MINDY4: variants seen among roughly 807,000 people sequenced by gnomAD.
The protein encoded by MINDY4 is MINDY lysine 48 deubiquitinase 4, also known as probable ubiquitin carboxyl-terminal hydrolase MINDY-4.
A neutral mutation model predicts 87.0 loss-of-function variants in MINDY4; 68 were observed. That is an observed-to-expected ratio of 0.78 (90% CI 0.64 to 0.96). MINDY4 has a LOEUF of 0.96. MINDY4 is among the 40% of genes least tolerant of loss of function. The probability of loss-of-function intolerance (pLI) is 0.00; values close to 1 mark genes in which losing one functional copy is unlikely to be tolerated. For synonymous variants in MINDY4, 379 were observed against 363.2 expected (o/e 1.04, Z -0.50); for missense variants, 919 against 928.2 (o/e 0.99, Z 0.13).
chr7:30,840,852 A>G lies in MINDY4; in HGVS notation c.1445+4A>G. Reference sequence around the variant, plus strand: ...ATAGCAAAGCCGACTGTGCTCAGTAAGTCAGTGCTCTTTCTGGCAATATCT... The same window carrying G: ...ATAGCAAAGCCGACTGTGCTCAGTAGGTCAGTGCTCTTTCTGGCAATATCT... On this transcript the variant is annotated splice_donor_region_variant and intron_variant, in intron 9 of 17. Coordinates refer to ENST00000265299, the MANE Select transcript of MINDY4 (RefSeq NM_032222.3). 6.2e-7 allele frequency: 1 copy of G among 1,613,028 alleles called. No homozygotes were observed. The highest frequency in any genetic ancestry group is 8.5e-7 in the Non-Finnish European group (1 of 1,179,148).
At chr7:30,873,803 T>C (rs1337419294) in intron 14 of MINDY4, among the ~76,000 whole-genome samples, 1 of 152,170 alleles carries the variant, frequency 6.6e-6, no homozygotes, top group East Asian at 1.9e-4. Flanking sequence ...AAACTCGAAC[T>C]TGCCTGAAAA....
At chr7:30,786,029 A>G (rs2128166957) in intron 4 of MINDY4, 37 bp downstream of exon 4, 1 of 1,610,306 alleles carries the variant, frequency 6.2e-7, no homozygotes, top group Middle Eastern at 1.9e-4. Flanking sequence ...ATGGGACTGG[A>G]GGCTGAGAAC....
Position 30,771,551 on chromosome 7 carries a change from A to C in MINDY4, c.58A>C (p.Arg20=). The change falls in exon 1 of 18, where the codon AGA becomes CGA. Residue 20 remains arginine, a synonymous_variant. Transcript: ENST00000265299. ...CTCCTTGGTCAGGGAGTTCCTCAGC[A>C]GAAAGGTAACGGCTCGCCCCCTCCA... is the stretch of plus-strand genomic sequence containing the variant. The part of the protein sequence containing the change: ...AASLVREFLS[R]KGLKKTCVTM... 2 of 1,599,504 alleles carry C rather than the reference A, an allele frequency of 1.3e-6. No individual in the cohort carries two copies. Among genetic ancestry groups the C allele is most frequent in the Non-Finnish European group, 8.5e-7 (1 of 1,174,266 alleles).
chr7:30,856,064 GTGT>G (rs1789559823), intron 12 of MINDY4, among the ~76,000 whole-genome samples: 1 of 152,184 alleles, frequency 6.6e-6, no homozygotes, highest in Non-Finnish European at 1.5e-5. Context: ...TCTGGGCAAG[GTGT>G]CTGGCAGGCT....
chr7:30,871,378 C>T (rs549095837), intron 13 of MINDY4, among the ~76,000 whole-genome samples: 5 of 152,290 alleles, frequency 3.3e-5, no homozygotes, highest in South Asian at 2.1e-4. Context: ...GTTTTCATCT[C>T]TCAGAGGGAG....
chr7:30,816,980 A>T (rs757116104), intron 5 of MINDY4, among the ~76,000 whole-genome samples: 2 of 152,218 alleles, frequency 1.3e-5, no homozygotes, highest in Non-Finnish European at 1.5e-5. Flanking sequence ...ACACATTGTG[A>T]TAGTTAGTGC....
chr7:30,829,317 C>T (rs369376987), intron 6 of MINDY4, among the ~76,000 whole-genome samples: 2 of 152,222 alleles, frequency 1.3e-5, no homozygotes, highest in African/African-American at 4.8e-5. Context: ...ATTCCCTACT[C>T]TCCAAAGACA....
At chr7:30,830,448 G>T (rs1023077284) in intron 6 of MINDY4, among the ~76,000 whole-genome samples, 1 of 152,162 alleles carries the variant, frequency 6.6e-6, no homozygotes, top group East Asian at 1.9e-4. Context: ...AAGGAAAGAG[G>T]TTTAATTGAC....
intron 5 of MINDY4, among the ~76,000 whole-genome samples, chr7:30,822,857 T>A (rs1212306797): frequency 6.6e-6 from 1 of 151,888 alleles, no homozygotes; most frequent in African/African-American, 2.4e-5. Flanking sequence ...TTGCCCAGAC[T>A]GTTCTCCGAC....
intron 5 of MINDY4, among the ~76,000 whole-genome samples, chr7:30,812,352 G>A (rs1562539174): frequency 6.6e-6 from 1 of 152,018 alleles, no homozygotes; most frequent in Admixed American, 6.6e-5. Context: ...TAAGTGAAGG[G>A]TATATGCTGG....
intron 6 of MINDY4, among the ~76,000 whole-genome samples, chr7:30,831,529 C>T (rs139541808): frequency 4.3e-4 from 65 of 152,274 alleles, no homozygotes; most frequent in African/African-American, 1.5e-3. Flanking sequence ...ATTCTGGAGG[C>T]AGAGTGATCC....
chr7:30,867,201 G>T (rs189327628), intron 13 of MINDY4, among the ~76,000 whole-genome samples: 19 of 152,250 alleles, frequency 1.2e-4, no homozygotes, highest in African/African-American at 3.6e-4. Flanking sequence ...CTCCCTCTTG[G>T]CCATCCTGGG....
At chr7:30,776,713 C>A (rs1786828798) in intron 1 of MINDY4, among the ~76,000 whole-genome samples, 1 of 152,230 alleles carries the variant, frequency 6.6e-6, no homozygotes, top group African/African-American at 2.4e-5. Flanking sequence ...CAGTGGCCTT[C>A]ATCCTTGTCT....
chr7:30,795,101 C>G (rs760789693), intron 5 of MINDY4, among the ~76,000 whole-genome samples: 82 of 152,126 alleles, frequency 5.4e-4, no homozygotes, highest in Non-Finnish European at 8.8e-4. Context: ...CACAGCCCTC[C>G]GTTGGGGTGT....
intron 12 of MINDY4, 135 bp from the exon 13 acceptor site, chr7:30,859,122 A>G: frequency 2.4e-6 from 2 of 833,724 alleles, no homozygotes; most frequent in Non-Finnish European, 4.1e-6. Context: ...CGGGCCACCC[A>G]GCAACCCCAG....
chr7:30,787,619 G>A (rs1158964895), intron 4 of MINDY4, among the ~76,000 whole-genome samples: 2 of 152,212 alleles, frequency 1.3e-5, no homozygotes, highest in East Asian at 3.8e-4. Context: ...GCTCCAGACA[G>A]CACAGCTGGC....
At position 30,819,892 on chromosome 7, in the gene MINDY4, A is replaced by ATTT. The variant is rs60124746; in HGVS notation, c.1074-8762_1074-8760dup. On this transcript the variant is annotated intron_variant, in intron 5 of 17. Transcript: ENST00000265299. The stretch of plus-strand genomic sequence containing the variant: ...TGTGTCTTAAAACAGCATATAGATA[A>ATTT]TTTTTTTTTTTTTTTTTTTTTTTTT... Among the ~76,000 whole-genome samples the ATTT allele has an allele frequency of 9.4e-4, 91 of 96,686 alleles. 5 individuals are homozygous for ATTT. The highest frequency in any genetic ancestry group is 2.8e-3 in the African/African-American group (54 of 19,406). The allele number at this position is 96,686 out of a possible 152,430, so 63.4% of individuals were successfully genotyped here. A position where few individuals can be genotyped will look rare whatever the true frequency, so the allele number is the denominator to read the frequency against.
At chr7:30,823,527 T>C (rs1275762979) in intron 5 of MINDY4, among the ~76,000 whole-genome samples, 1 of 152,260 alleles carries the variant, frequency 6.6e-6, no homozygotes, top group Non-Finnish European at 1.5e-5. Context: ...CAATATTTAA[T>C]GTATCATCTA....
rs1787020007 is a variant in MINDY4 at position 30,781,987 on chromosome 7, A to G, written c.194A>G (p.Asn65Ser). Reference sequence around the variant, plus strand: ...CTCTCCCAATGATAGGCAAAGGAAAATCCTCTAAAAACAAGCCTTGAACTC... The same window carrying G: ...CTCTCCCAATGATAGGCAAAGGAAAGTCCTCTAAAAACAAGCCTTGAACTC... ...FLYKENKAKE[N>S]PLKTSLELIT... Residue 65 changes from asparagine (N) to serine (S), a missense_variant, in exon 3 of 18, where the codon AAT becomes AGT. By Grantham distance (46) the Asn-to-Ser change is conservative. Coordinates refer to ENST00000265299, the MANE Select transcript of MINDY4 (RefSeq NM_032222.3). 6.2e-7 allele frequency: 1 copy of G among 1,612,678 alleles called. No individual in the cohort carries two copies. Among genetic ancestry groups the G allele is most frequent in the Non-Finnish European group, 8.5e-7 (1 of 1,179,472 alleles).
Sources: allele counts gnomAD v4.1 joint callset (sites outside exome capture counted in the v4.1 genomes callset), GRCh38; gene constraint gnomAD v4.1.1; transcripts MANE v1.5; gene names NCBI Gene and HGNC (gene_info 2026-07-23, HGNC 2026-07-21).